The following HECTD4 variants were observed in gnomAD, a reference collection of about 807,000 sequenced individuals.
The protein encoded by HECTD4 is HECT domain E3 ubiquitin protein ligase 4, also known as probable E3 ubiquitin-protein ligase HECTD4.
In HECTD4, 114 loss-of-function variants were observed where a neutral mutation model predicts 471.5. The ratio of observed to expected loss-of-function variants is 0.24; its 90% CI spans 0.21 to 0.28. The LOEUF (loss-of-function observed/expected upper bound fraction) is 0.28. HECTD4 is among the 10% of genes least tolerant of loss of function. The probability of loss-of-function intolerance (pLI) is 1.00; values close to 1 mark genes in which losing one functional copy is unlikely to be tolerated. For synonymous variants in HECTD4, 2,012 were observed against 2,256.0 expected, an observed-to-expected ratio of 0.89 and a Z score of 3.07; for missense variants, 3,866 against 5,651.5, an observed-to-expected ratio of 0.68 and a Z score of 10.13.
intron 45 of HECTD4, among the ~76,000 whole-genome samples, chr12:112,218,353 C>T (rs2032989754): frequency 6.6e-6 from 1 of 152,154 alleles, no homozygotes; most frequent in Admixed American, 6.5e-5. Context: ...TTTGTCCCTA[C>T]TGAAGGAAAT....
intron 1 of HECTD4, among the ~76,000 whole-genome samples, chr12:112,371,436 A>G (rs1296945465): frequency 6.6e-6 from 1 of 152,050 alleles, no homozygotes; most frequent in Non-Finnish European, 1.5e-5. Context: ...CTAGCTGGGC[A>G]TGGTGGCACA....
intron 23 of HECTD4, among the ~76,000 whole-genome samples, chr12:112,252,025 G>A (rs1304135588): frequency 6.6e-6 from 1 of 152,180 alleles, no homozygotes; most frequent in African/African-American, 2.4e-5. Flanking sequence ...ACCTGCCTCA[G>A]CCTCCCAAAG....
rs780984403 is a variant in HECTD4, at chr12:112,217,015, G to A, written c.7236+19C>T. ...CAAATCTGAAGATGCAAAAGACAGT[G>A]TGTCATGTGATGTCTCACCTGAACT... On this transcript the variant is annotated intron_variant, in intron 46 of 75. Coordinates refer to ENST00000682272, the MANE Select transcript of HECTD4 (RefSeq NM_001388303.1). 8.8e-6 allele frequency: 14 copies of A among 1,592,304 alleles called. No homozygotes were observed. The highest frequency in any genetic ancestry group is 5.4e-5 in the African/African-American group (4 of 74,274).
chr12:112,355,066 C>T (rs1322905597), intron 1 of HECTD4, among the ~76,000 whole-genome samples: 7 of 151,002 alleles, frequency 4.6e-5, no homozygotes, highest in Non-Finnish European at 8.9e-5. Context: ...CTGCAACCTC[C>T]GCCTCCCGGG....
At chr12:112,181,714 C>T (rs2031673361) in intron 62 of HECTD4, among the ~76,000 whole-genome samples, 1 of 152,240 alleles carries the variant, frequency 6.6e-6, no homozygotes, top group South Asian at 2.1e-4. Flanking sequence ...TCTGCCTTGG[C>T]TTTCCAAAGT....
intron 72 of HECTD4, 80 bp downstream of exon 72, chr12:112,167,237 C>T (rs1361794584): frequency 6.3e-6 from 8 of 1,262,152 alleles, no homozygotes; most frequent in Admixed American, 2.1e-5. Context: ...GCGGGGAGCT[C>T]GGGTCTGCAT....
intron 1 of HECTD4, among the ~76,000 whole-genome samples, chr12:112,353,521 T>C (rs144999446): frequency 6.6e-6 from 1 of 152,318 alleles, no homozygotes; most frequent in East Asian, 1.9e-4. Context: ...ACTGGTTGAA[T>C]AGAGATGAGT....
Position 112,334,565 on chromosome 12 carries a change from C to T in HECTD4, c.178-14823G>A, listed in dbSNP as rs190041526. Among the ~76,000 whole-genome samples, 128 of 143,592 alleles carry T rather than the reference C, an allele frequency of 8.9e-4. 2 individuals are homozygous for T. In the East Asian group the frequency reaches 0.022, roughly 25 times the overall value. The allele number at this position is 143,592 out of a possible 152,430, so 94.2% of individuals were successfully genotyped here. A position where few individuals can be genotyped will look rare whatever the true frequency, so the allele number is the denominator to read the frequency against. ...ATCCCAGCACTTTGGGAGGCCGAGG[C>T]GGGCAGATCACGAGGTCAGGAGTTC... On this transcript the variant is annotated intron_variant, in intron 1 of 75. Transcript: ENST00000682272.
intron 18 of HECTD4, among the ~76,000 whole-genome samples, chr12:112,259,850 T>C (rs531994216): frequency 3.3e-5 from 5 of 152,248 alleles, no homozygotes; most frequent in Admixed American, 3.3e-4. Context: ...GCTACAACAT[T>C]GATTCACCTG....
At chr12:112,264,991 C>T (rs1049110633) in intron 16 of HECTD4, among the ~76,000 whole-genome samples, 184 bp downstream of exon 16, 2 of 152,214 alleles carry the variant, frequency 1.3e-5, no homozygotes, top group African/African-American at 4.8e-5. Context: ...TCTTGAACTC[C>T]TGACCTCAGG....
chr12:112,342,360 G>C (rs1002281133), intron 1 of HECTD4, among the ~76,000 whole-genome samples: 5 of 152,336 alleles, frequency 3.3e-5, no homozygotes, highest in South Asian at 2.1e-4. Flanking sequence ...AGGAGGCTGA[G>C]GTGGGAGGAT....
rs758975205 is a variant in HECTD4, at chr12:112,172,744, G to C, written c.11712C>G (p.Pro3904=). The change falls in exon 67 of 76, where the codon CCC becomes CCG. Residue 3904 remains proline (P), a synonymous_variant. Coordinates refer to ENST00000682272, the MANE Select transcript of HECTD4 (RefSeq NM_001388303.1). ...NQLCRHLAIT[P]ARLHPHEVYL... ...ACACCTCATGGGGATGGAGCCGTGC[G>C]GGTGTGATGGCGAGGTGGCGGCATA... 3 of 1,614,010 alleles carry C rather than the reference G, an allele frequency of 1.9e-6. No individual in the cohort carries two copies. The highest frequency in any genetic ancestry group is 1.1e-5 in the South Asian group (1 of 91,084).
intron 34 of HECTD4, among the ~76,000 whole-genome samples, chr12:112,237,761 T>G (rs1016375438): frequency 6.6e-6 from 1 of 151,994 alleles, no homozygotes; most frequent in African/African-American, 2.4e-5. Flanking sequence ...TCAGACCTTT[T>G]TTTTTTTTTT....
intron 1 of HECTD4, among the ~76,000 whole-genome samples, chr12:112,321,571 A>G (rs1038150214): frequency 6.6e-5 from 10 of 152,228 alleles, no homozygotes; most frequent in Non-Finnish European, 1.0e-4. Flanking sequence ...TGGCACTGAC[A>G]TTAAGAAAGG....
chr12:112,182,309 T>G (rs1440617755), intron 62 of HECTD4, among the ~76,000 whole-genome samples: 1 of 124,606 alleles, frequency 8.0e-6, no homozygotes, highest in Admixed American at 7.9e-5. Context: ...GTACAAATAA[T>G]AAATAAAATA....
chr12:112,227,630 C>CATTTTAT (rs1852996920), intron 43 of HECTD4, among the ~76,000 whole-genome samples: 1 of 151,946 alleles, frequency 6.6e-6, no homozygotes, highest in South Asian at 2.1e-4. Context: ...TGGCCTGAAC[C>CATTTTAT]ATTTTATTTA....
intron 25 of HECTD4, 94 bp downstream of exon 25, chr12:112,250,050 T>C (rs894054988): frequency 9.1e-6 from 8 of 883,856 alleles, no homozygotes; most frequent in Non-Finnish European, 1.1e-5. Flanking sequence ...AAATTAAAGT[T>C]TCATTTACTA....
intron 69 of HECTD4, chr12:112,169,886 C>T (rs1450739351): frequency 3.3e-6 from 2 of 604,298 alleles, no homozygotes; most frequent in Non-Finnish European, 5.9e-6. Context: ...AGTGCTTGGC[C>T]CCTTCTCATC....
chr12:112,303,563 AG>A (rs2035208355), intron 7 of HECTD4, among the ~76,000 whole-genome samples: 1 of 152,210 alleles, frequency 6.6e-6, no homozygotes, highest in African/African-American at 2.4e-5. Flanking sequence ...GAAAAGAAAG[AG>A]GGAGGCCAGG....
Sources: gnomAD v4.1 joint callset for allele counts (sites outside exome capture counted in the v4.1 genomes callset) on GRCh38, gnomAD v4.1.1 for gene constraint, MANE v1.5 for transcripts, NCBI Gene and HGNC (gene_info 2026-07-23, HGNC 2026-07-21) for gene names.